The following SLMAP variants were observed in gnomAD, a reference collection of about 807,000 sequenced individuals.
SLMAP encodes sarcolemmal membrane-associated protein.
SLMAP carries 44 observed loss-of-function variants against 128.8 expected under a neutral mutation model. The observed-to-expected ratio is 0.34, with a 90% confidence interval of 0.27 to 0.44. SLMAP has a LOEUF of 0.44. Among genes scored for constraint, SLMAP ranks in the 20% least tolerant of loss-of-function variants. The pLI, the probability that SLMAP is intolerant of heterozygous loss-of-function variation, is 1.00. For missense variants in SLMAP, 787 were observed against 985.3 expected (o/e 0.80, Z 2.69); for synonymous variants, 327 against 348.8 (o/e 0.94, Z 0.70).
chr3:57,886,891 T>G (rs890630921), intron 14 of SLMAP, among the ~76,000 whole-genome samples: 3 of 151,994 alleles, frequency 2.0e-5, no homozygotes, highest in Admixed American at 1.3e-4. Context: ...TCCATAGAGA[T>G]AGCAAGCAGA....
chr3:57,811,148 T>G (rs1460003144), intron 2 of SLMAP, among the ~76,000 whole-genome samples: 3 of 152,216 alleles, frequency 2.0e-5, no homozygotes, highest in Admixed American at 2.0e-4. Flanking sequence ...ATTATATACA[T>G]TCATAATGTT....
chr3:57,896,099 A>G (rs1449584679), intron 15 of SLMAP: 3 of 278,990 alleles, frequency 1.1e-5, no homozygotes, highest in African/African-American at 6.9e-5. Context: ...AAATCTTACT[A>G]AAGCAGCCTT....
At chr3:57,786,731 ATTTTTTTTTTTTTTTTTTTT>A (rs2084234799) in intron 2 of SLMAP, among the ~76,000 whole-genome samples, 8 of 88,744 alleles carry the variant, frequency 9.0e-5, no homozygotes, top group African/African-American at 3.7e-4. Context: ...TAGTCTTTGT[ATTTTTTTTTTTTTTTTTTTT>A]GAGTTGGAGT....
chr3:57,888,476 G>T (rs1458678527), intron 14 of SLMAP, among the ~76,000 whole-genome samples: 1 of 152,044 alleles, frequency 6.6e-6, no homozygotes, highest in Non-Finnish European at 1.5e-5. Flanking sequence ...AATTAGCTGG[G>T]TGTGGTGGTG....
At chr3:57,886,259 T>C (rs895243803) in intron 14 of SLMAP, among the ~76,000 whole-genome samples, 1 of 150,986 alleles carries the variant, frequency 6.6e-6, no homozygotes, top group African/African-American at 2.4e-5. Flanking sequence ...GCCCGCCACC[T>C]GGCTAATTTT....
Position 57,868,924 on chromosome 3 carries a change from TATA to T in SLMAP, c.1238-2708_1238-2706del, listed in dbSNP as rs1007435505. Among the ~76,000 whole-genome samples, 43 of 136,392 alleles carry T rather than the reference TATA, an allele frequency of 3.2e-4. 1 individual carries two copies. In the South Asian group the frequency reaches 5.5e-3, roughly 17 times the overall value. The allele number at this position is 136,392 out of a possible 152,430, so 89.5% of individuals were successfully genotyped here. A position where few individuals can be genotyped will look rare whatever the true frequency, so the allele number is the denominator to read the frequency against. On this transcript the variant is annotated intron_variant, in intron 13 of 24. Coordinates refer to ENST00000671191, the MANE Select transcript of SLMAP (RefSeq NM_001377540.1). ...TTATATATGTGTGTATTATATATAA[TATA>T]ATATATGTTATATGTGTGTATTATA...
At position 57,890,045 on chromosome 3, in the gene SLMAP, G is replaced by A; in HGVS notation, c.1305G>A (p.Lys435=). 1 of 1,612,280 alleles carries A rather than the reference G, an allele frequency of 6.2e-7. No homozygotes were observed. Among genetic ancestry groups the A allele is most frequent in the Non-Finnish European group, 8.5e-7 (1 of 1,178,290 alleles). ...AACGTTTATTTTCCTTGGCAGAGAAGCTGATCGTCGAAGGGCATCTAACCA... is the reference window on the plus strand; with the variant it reads ...AACGTTTATTTTCCTTGGCAGAGAAACTGATCGTCGAAGGGCATCTAACCA... ...FIHQFIECQK[K]LIVEGHLTKA... is the part of the protein sequence containing the mutation. Residue 435 remains lysine (K), a synonymous_variant, in exon 15 of 25, where the codon AAG becomes AAA. Transcript: ENST00000671191.
intron 2 of SLMAP, among the ~76,000 whole-genome samples, chr3:57,773,739 G>A (rs901084831): frequency 1.3e-5 from 2 of 152,166 alleles, no homozygotes; most frequent in African/African-American, 4.8e-5. Flanking sequence ...GGTTTCATAA[G>A]TATAGTGAGC....
chr3:57,853,011 C>T (rs1435825419), intron 6 of SLMAP, among the ~76,000 whole-genome samples: 1 of 152,162 alleles, frequency 6.6e-6, no homozygotes, highest in African/African-American at 2.4e-5. Flanking sequence ...AAAGACCATT[C>T]CTGGACATAT....
At chr3:57,780,771 G>A (rs1262139572) in intron 2 of SLMAP, among the ~76,000 whole-genome samples, 3 of 151,412 alleles carry the variant, frequency 2.0e-5, no homozygotes, top group Non-Finnish European at 1.5e-5. Context: ...GGCCTTCCTC[G>A]TGGCTGGGAC....
chr3:57,862,654 A>AT (rs2095138039), intron 10 of SLMAP, among the ~76,000 whole-genome samples: 1 of 151,848 alleles, frequency 6.6e-6, no homozygotes, highest in Non-Finnish European at 1.5e-5. Flanking sequence ...AAAAAAAAAA[A>AT]AAAAAATTCA....
At chr3:57,889,543 TAAAAC>T (rs1399741167) in intron 14 of SLMAP, among the ~76,000 whole-genome samples, 4 of 152,174 alleles carry the variant, frequency 2.6e-5, no homozygotes, top group African/African-American at 7.2e-5. Flanking sequence ...AAATCCCCCA[TAAAAC>T]AAAACAAAAT....
chr3:57,766,165 AT>A (rs869169620), intron 2 of SLMAP, among the ~76,000 whole-genome samples: 10,898 of 85,560 alleles, frequency 0.13, 258 homozygotes, highest in South Asian at 0.23. Flanking sequence ...CACCCGGCTA[AT>A]TTTTTTTTTT....
chr3:57,919,279 G>A (rs1029181865), intron 22 of SLMAP, among the ~76,000 whole-genome samples: 4 of 152,002 alleles, frequency 2.6e-5, no homozygotes, highest in Admixed American at 2.0e-4. Flanking sequence ...TACTCAGGAG[G>A]CTGAGACAGG....
chr3:57,782,036 A>G (rs954415694), intron 2 of SLMAP, among the ~76,000 whole-genome samples: 2 of 152,156 alleles, frequency 1.3e-5, no homozygotes, highest in African/African-American at 4.8e-5. Context: ...TTTAAAAGAA[A>G]GCATGTTTAG....
At chr3:57,906,877 G>T (rs2096581968) in intron 17 of SLMAP, among the ~76,000 whole-genome samples, 1 of 151,700 alleles carries the variant, frequency 6.6e-6, no homozygotes, top group Admixed American at 6.6e-5. Flanking sequence ...GTAGCAGAAG[G>T]TTTTAAAAAA....
At chr3:57,890,135 T>G in intron 15 of SLMAP, 35 bp downstream of exon 15, 1 of 1,601,354 alleles carries the variant, frequency 6.2e-7, no homozygotes. Context: ...TTTTGACAGT[T>G]CTTTTGGATA....
chr3:57,807,394 A>C (rs776392818), intron 2 of SLMAP, among the ~76,000 whole-genome samples: 7 of 152,208 alleles, frequency 4.6e-5, no homozygotes, highest in Non-Finnish European at 1.0e-4. Flanking sequence ...GAATGCTTCC[A>C]GCTTTTGCCC....
intron 2 of SLMAP, among the ~76,000 whole-genome samples, chr3:57,775,266 T>C (rs2081612717): frequency 6.6e-6 from 1 of 151,198 alleles, no homozygotes; most frequent in South Asian, 2.1e-4. Flanking sequence ...GTGGTCTCGA[T>C]CTCCTGACCT....
Sources: gnomAD v4.1 joint callset for allele counts (sites outside exome capture counted in the v4.1 genomes callset) on GRCh38, gnomAD v4.1.1 for gene constraint, MANE v1.5 for transcripts, NCBI Gene and HGNC (gene_info 2026-07-23, HGNC 2026-07-21) for gene names.